TYR: variants seen among roughly 807,000 people sequenced by gnomAD.
The protein encoded by TYR is LB24-AB.
Under a neutral mutation model 51.5 loss-of-function variants are expected in TYR, and 58 were observed. The observed-to-expected ratio is 1.13, with a 90% confidence interval of 0.91 to 1.40. The LOEUF is 1.40. TYR is among the 40% of genes most tolerant of loss of function. TYR has a pLI of 0.00. For missense variants in TYR, 732 were observed against 647.4 expected (o/e 1.13, Z -1.42); for synonymous variants, 263 against 235.2 (o/e 1.12, Z -1.08).
intron 1 of TYR, among the ~76,000 whole-genome samples, chr11:89,188,448 A>T (rs995779475): frequency 6.6e-6 from 1 of 152,036 alleles, no homozygotes; most frequent in Non-Finnish European, 1.5e-5. Flanking sequence ...TGCACAGATA[A>T]AGCAGAAATT....
chr11:89,207,396 C>T (rs527325699), intron 2 of TYR, among the ~76,000 whole-genome samples: 4 of 152,070 alleles, frequency 2.6e-5, no homozygotes, highest in East Asian at 1.9e-4. Context: ...CCTAAAAAAG[C>T]GCAAACTATA....
At chr11:89,249,467 T>C (rs1304924828) in intron 3 of TYR, among the ~76,000 whole-genome samples, 1 of 85,370 alleles carries the variant, frequency 1.2e-5, no homozygotes, top group East Asian at 2.9e-4. Context: ...AAAAGCCATG[T>C]AGCCAAAAAA....
At chr11:89,275,779 T>G (rs1944646887) in intron 3 of TYR, among the ~76,000 whole-genome samples, 1 of 151,744 alleles carries the variant, frequency 6.6e-6, no homozygotes, top group Admixed American at 6.6e-5. Flanking sequence ...AGCTTGGTGT[T>G]TGACTTATTT....
intron 1 of TYR, among the ~76,000 whole-genome samples, chr11:89,185,467 C>T (rs533145769): frequency 6.6e-6 from 1 of 152,112 alleles, no homozygotes; most frequent in Non-Finnish European, 1.5e-5. Flanking sequence ...TGCACATCAA[C>T]AGGGTGCTAG....
chr11:89,248,948 A>G (rs979039032), intron 3 of TYR, among the ~76,000 whole-genome samples: 1 of 152,206 alleles, frequency 6.6e-6, no homozygotes, highest in Admixed American at 6.5e-5. Flanking sequence ...AAAATAAAGA[A>G]AAAAGAGTAA....
chr11:89,210,264 G>A (rs1476136492), intron 2 of TYR, among the ~76,000 whole-genome samples: 3 of 152,200 alleles, frequency 2.0e-5, no homozygotes, highest in Non-Finnish European at 4.4e-5. Flanking sequence ...CCAGTGTAGA[G>A]AAGAGCTTAA....
intron 3 of TYR, among the ~76,000 whole-genome samples, chr11:89,277,149 A>G (rs1944664272): frequency 6.6e-6 from 1 of 151,770 alleles, no homozygotes; most frequent in African/African-American, 2.4e-5. Flanking sequence ...TTATTGGATT[A>G]AGTTTAAATG....
At chr11:89,254,006 C>A (rs1944360348) in intron 3 of TYR, among the ~76,000 whole-genome samples, 2 of 151,558 alleles carry the variant, frequency 1.3e-5, no homozygotes, top group Admixed American at 6.6e-5. Context: ...CTCTTGTATG[C>A]CAATTTTGAT....
chr11:89,288,945 G>A (rs1944825330), intron 4 of TYR, among the ~76,000 whole-genome samples: 1 of 151,892 alleles, frequency 6.6e-6, no homozygotes, highest in South Asian at 2.1e-4. Flanking sequence ...CATCAACCAG[G>A]TACTCATGTT....
intron 3 of TYR, among the ~76,000 whole-genome samples, chr11:89,254,223 T>C (rs1944362579): frequency 6.6e-6 from 1 of 151,870 alleles, no homozygotes; most frequent in Non-Finnish European, 1.5e-5. Context: ...TTGATTCAGT[T>C]AGCTAGTATT....
intron 2 of TYR, among the ~76,000 whole-genome samples, chr11:89,209,124 G>A (rs1943714949): frequency 1.3e-5 from 2 of 152,230 alleles, no homozygotes; most frequent in Non-Finnish European, 2.9e-5. Flanking sequence ...GTGAACCAAA[G>A]CAGGATGGGG....
chr11:89,229,283 A>G (rs1944012833), intron 3 of TYR, among the ~76,000 whole-genome samples: 1 of 152,130 alleles, frequency 6.6e-6, no homozygotes, highest in African/African-American at 2.4e-5. Flanking sequence ...GTGTATAAGA[A>G]CATGTATGAA....
At chr11:89,292,231 G>A (rs900122605) in intron 4 of TYR, among the ~76,000 whole-genome samples, 1 of 151,704 alleles carries the variant, frequency 6.6e-6, no homozygotes, top group African/African-American at 2.4e-5. Context: ...TATCTTCTGG[G>A]TCCAATAACA....
intron 3 of TYR, among the ~76,000 whole-genome samples, chr11:89,279,599 A>C (rs1180380987): frequency 1.3e-5 from 2 of 151,710 alleles, no homozygotes; most frequent in Non-Finnish European, 2.9e-5. Context: ...TAAAACTTTG[A>C]TTAAATTATT....
Position 89,271,604 on chromosome 11 carries a change from G to A in TYR, c.1185-13169G>A, listed in dbSNP as rs112269000. 7.4e-4 allele frequency among the ~76,000 whole-genome samples: 113 copies of A among 152,012 alleles called. 1 individual carries two copies. Among genetic ancestry groups the A allele is most frequent in the African/African-American group, 2.5e-3 (104 of 41,532 alleles). On this transcript the variant is annotated intron_variant, in intron 3 of 4. Coordinates refer to ENST00000263321, the MANE Select transcript of TYR (RefSeq NM_000372.5). ...ACTGATCAGGGTGATGGCTGCTGAAGTTTGGAGTGGATGCAACAATTTCTT... is the reference window on the plus strand; with the variant it reads ...ACTGATCAGGGTGATGGCTGCTGAAATTTGGAGTGGATGCAACAATTTCTT...
At chr11:89,224,715 T>C (rs1055032802) in intron 2 of TYR, among the ~76,000 whole-genome samples, 8 of 152,182 alleles carry the variant, frequency 5.3e-5, no homozygotes, top group Admixed American at 3.3e-4. Context: ...CTCAATACAG[T>C]CTGCTCCCAG....
rs1316237117 is a variant in TYR at position 89,266,807 on chromosome 11, T to C, written c.1185-17966T>C. On this transcript the variant is annotated intron_variant, in intron 3 of 4. Transcript: ENST00000263321. ...GGTGGAAACAAACCTTGCCTGTTCATATGCAGATTATCATGTAGGTAATTA... is the reference window on the plus strand; with the variant it reads ...GGTGGAAACAAACCTTGCCTGTTCACATGCAGATTATCATGTAGGTAATTA... 2.6e-5 allele frequency among the ~76,000 whole-genome samples: 4 copies of C among 151,984 alleles called. 1 individual carries two copies. The South Asian group carries it at 8.3e-4, about 31-fold the overall frequency.
At chr11:89,240,745 G>A (rs1392444693) in intron 3 of TYR, among the ~76,000 whole-genome samples, 1 of 152,068 alleles carries the variant, frequency 6.6e-6, no homozygotes, top group African/African-American at 2.4e-5. Flanking sequence ...TTGAAGAAAT[G>A]ACAGTAATAC....
chr11:89,212,483 T>A (rs1340227027), intron 2 of TYR, among the ~76,000 whole-genome samples: 1 of 152,068 alleles, frequency 6.6e-6, no homozygotes, highest in Non-Finnish European at 1.5e-5. Context: ...ATCAGATGGA[T>A]TCACAGCCGA....
Sources: allele counts gnomAD v4.1 joint callset (sites outside exome capture counted in the v4.1 genomes callset), GRCh38; gene constraint gnomAD v4.1.1; transcripts MANE v1.5; gene names NCBI Gene and HGNC (gene_info 2026-07-23, HGNC 2026-07-21).